Variants in FHIT observed in about 807,000 individuals in gnomAD.
The protein encoded by FHIT is bis(5'-adenosyl)-triphosphatase.
A neutral mutation model predicts 17.9 loss-of-function variants in FHIT; 19 were observed. That is an observed-to-expected ratio of 1.06 (90% CI 0.74 to 1.56). The LOEUF is 1.56. Among genes scored for constraint, FHIT ranks in the 40% most tolerant of loss-of-function variants. FHIT has a pLI of 0.00. For synonymous variants in FHIT, 81 were observed against 69.7 expected (o/e 1.16, Z -0.81); for missense variants, 248 against 189.2 (o/e 1.31, Z -1.82).
chr3:60,867,410 G>A (rs1298581871), intron 3 of FHIT, among the ~76,000 whole-genome samples: 1 of 152,164 alleles, frequency 6.6e-6, no homozygotes, highest in Non-Finnish European at 1.5e-5. Context: ...AAGGCTAAGG[G>A]CCAAATGAAT....
At chr3:59,828,813 T>C (rs1406708263) in intron 8 of FHIT, among the ~76,000 whole-genome samples, 1 of 149,992 alleles carries the variant, frequency 6.7e-6, no homozygotes, top group Non-Finnish European at 1.5e-5. Context: ...GTAGAGGTTT[T>C]TTGTTTTTGT....
chr3:60,993,778 T>C (rs1434257019), intron 3 of FHIT, among the ~76,000 whole-genome samples: 1 of 152,096 alleles, frequency 6.6e-6, no homozygotes, highest in South Asian at 2.1e-4. Context: ...GCTCATAACA[T>C]TGGTTTGTAG....
At chr3:61,067,914 T>C (rs890846396) in intron 2 of FHIT, among the ~76,000 whole-genome samples, 4 of 152,190 alleles carry the variant, frequency 2.6e-5, no homozygotes, top group Non-Finnish European at 5.9e-5. Context: ...GTCTTTGTTC[T>C]GGGCAGCTAT....
chr3:60,941,599 T>C (rs1484300575), intron 3 of FHIT, among the ~76,000 whole-genome samples: 2 of 152,212 alleles, frequency 1.3e-5, no homozygotes, highest in Non-Finnish European at 2.9e-5. Context: ...CTACTGACTA[T>C]GTTCTTAGGA....
intron 5 of FHIT, among the ~76,000 whole-genome samples, chr3:60,241,439 C>T (rs1032530004): frequency 1.7e-4 from 26 of 152,124 alleles, no homozygotes; most frequent in African/African-American, 6.3e-4. Context: ...TTAATAAGCA[C>T]GCTCATGAGT....
intron 2 of FHIT, among the ~76,000 whole-genome samples, chr3:61,116,534 A>G (rs2036303057): frequency 6.6e-6 from 1 of 152,160 alleles, no homozygotes; most frequent in Non-Finnish European, 1.5e-5. Flanking sequence ...CTTCGTTCCT[A>G]CAAATTCTAA....
intron 5 of FHIT, among the ~76,000 whole-genome samples, chr3:60,374,476 A>G (rs1700461724): frequency 6.6e-6 from 1 of 151,886 alleles, no homozygotes; most frequent in Non-Finnish European, 1.5e-5. Flanking sequence ...TCACTTGGAA[A>G]AAAAACACGT....
rs187153806 is a variant in FHIT, at chr3:60,532,041, A to G, written c.103+4819T>C. Reference sequence around the variant, plus strand: ...AGGCTGTCCCTACATGCATCATCCTAATGTTGTATGGCCCTGGTAACATTC... The same window carrying G: ...AGGCTGTCCCTACATGCATCATCCTGATGTTGTATGGCCCTGGTAACATTC... On this transcript the variant is annotated intron_variant, in intron 5 of 9. Transcript: ENST00000492590. Among the ~76,000 whole-genome samples the G allele has an allele frequency of 1.8e-3, 275 of 152,276 alleles. 1 individual carries two copies. The highest frequency in any genetic ancestry group is 6.4e-3 in the African/African-American group (264 of 41,552).
At chr3:60,544,670 C>T (rs2036303752) in intron 4 of FHIT, among the ~76,000 whole-genome samples, 1 of 148,082 alleles carries the variant, frequency 6.8e-6, no homozygotes, top group Admixed American at 6.8e-5. Flanking sequence ...GATCTGGGCT[C>T]ACTGCAAACT....
At position 59,870,874 on chromosome 3, in the gene FHIT, C is replaced by CGTGTGTGT. The variant is rs56278897; in HGVS notation, c.348+51464_348+51471dup. Among the ~76,000 whole-genome samples the CGTGTGTGT allele has an allele frequency of 6.2e-3, 931 of 149,864 alleles. 5 individuals are homozygous for CGTGTGTGT. The highest frequency in any genetic ancestry group is 0.021 in the African/African-American group (868 of 40,726). On this transcript the variant is annotated intron_variant, in intron 8 of 9. Coordinates refer to ENST00000492590, the MANE Select transcript of FHIT (RefSeq NM_002012.4). ...TAAAGGGCGTGTGTGTGTGTGTGTG[C>CGTGTGTGT]GTGTGTGTGTGTGTGTGTATTTAAC...
intron 7 of FHIT, among the ~76,000 whole-genome samples, chr3:59,923,637 T>C (rs1384002833): frequency 6.6e-6 from 1 of 152,180 alleles, no homozygotes; most frequent in Non-Finnish European, 1.5e-5. Context: ...TCCACTTTTA[T>C]TACAAACCGT....
At chr3:60,620,535 C>A (rs567891136) in intron 4 of FHIT, among the ~76,000 whole-genome samples, 1 of 151,342 alleles carries the variant, frequency 6.6e-6, no homozygotes, top group Non-Finnish European at 1.5e-5. Context: ...GCAAAAGGAG[C>A]CAAATTTTAA....
At chr3:59,890,739 A>G (rs930977605) in intron 8 of FHIT, among the ~76,000 whole-genome samples, 2 of 152,216 alleles carry the variant, frequency 1.3e-5, no homozygotes, top group African/African-American at 4.8e-5. Flanking sequence ...AGTTCAAAGT[A>G]CTTTGGAAAT....
intron 3 of FHIT, among the ~76,000 whole-genome samples, chr3:60,883,699 T>C (rs533480625): frequency 1.3e-5 from 2 of 152,194 alleles, no homozygotes; most frequent in African/African-American, 4.8e-5. Flanking sequence ...CTCTCACATA[T>C]ACAAGAATCA....
In FHIT at chr3:59,875,938, T is replaced by TAAA. The variant is rs200571248; in HGVS notation, c.348+46405_348+46407dup. On this transcript the variant is annotated intron_variant, in intron 8 of 9. Coordinates refer to ENST00000492590, the MANE Select transcript of FHIT (RefSeq NM_002012.4). ...GATGAGAAACAACTCGTCTGTTTGA[T>TAAA]AAAAAAAGAAAAAAAAAAGAAAAAA... Among the ~76,000 whole-genome samples the TAAA allele has an allele frequency of 5.2e-3, 678 of 129,318 alleles. 2 individuals are homozygous for TAAA. Among genetic ancestry groups the TAAA allele is most frequent in the Admixed American group, 0.011 (141 of 12,920 alleles). The allele number at this position is 129,318 out of a possible 152,430, so 84.8% of individuals were successfully genotyped here.
intron 7 of FHIT, among the ~76,000 whole-genome samples, chr3:59,983,494 G>C (rs1708746519): frequency 6.6e-6 from 1 of 152,082 alleles, no homozygotes; most frequent in East Asian, 1.9e-4. Flanking sequence ...TATTTTATTA[G>C]TAGTAATTGA....
At chr3:60,548,902 C>T (rs1422669746) in intron 4 of FHIT, among the ~76,000 whole-genome samples, 1 of 152,178 alleles carries the variant, frequency 6.6e-6, no homozygotes, top group African/African-American at 2.4e-5. Context: ...TAACCCATCA[C>T]GGGGATTTGA....
chr3:61,223,324 C>G (rs76813029), intron 1 of FHIT, among the ~76,000 whole-genome samples: 21 of 152,268 alleles, frequency 1.4e-4, no homozygotes, highest in Non-Finnish European at 2.9e-4. Flanking sequence ...CCAGAAGAAA[C>G]AATCTGAGAA....
At chr3:60,652,178 G>C (rs1219931456) in intron 4 of FHIT, among the ~76,000 whole-genome samples, 2 of 152,138 alleles carry the variant, frequency 1.3e-5, no homozygotes, top group Non-Finnish European at 2.9e-5. Context: ...GTTAATTACA[G>C]GCCAGGCTGA....
Sources: gnomAD v4.1 joint callset for allele counts (sites outside exome capture counted in the v4.1 genomes callset) on GRCh38, gnomAD v4.1.1 for gene constraint, MANE v1.5 for transcripts, NCBI Gene and HGNC (gene_info 2026-07-23, HGNC 2026-07-21) for gene names.